The following SNPH variants were observed in gnomAD, a reference collection of about 807,000 sequenced individuals.
SNPH encodes syntaphilin.
In SNPH, 10 loss-of-function variants were observed where a neutral mutation model predicts 36.8. The ratio of observed to expected loss-of-function variants is 0.27; its 90% CI spans 0.17 to 0.46. SNPH has a LOEUF of 0.46. SNPH is among the 20% of genes least tolerant of loss of function. SNPH has a pLI of 1.00. For missense variants in SNPH, 622 were observed against 744.0 expected (o/e 0.84, Z 1.91); for synonymous variants, 281 against 312.2 (o/e 0.90, Z 1.05).
intron 2 of SNPH, among the ~76,000 whole-genome samples, chr20:1,277,865 C>CTG: frequency 8.3e-6 from 1 of 120,292 alleles, no homozygotes; most frequent in South Asian, 3.1e-4. Context: ...GTGTGTGTGC[C>CTG]TGTGTGTCTG....
In SNPH at chr20:1,305,223, G is replaced by T. The variant is rs770443739; in HGVS notation, c.786G>T (p.Leu262=). 1 of 1,611,554 alleles carries T rather than the reference G, an allele frequency of 6.2e-7. No homozygotes were observed. The highest frequency in any genetic ancestry group is 1.3e-5 in the African/African-American group (1 of 75,070). The part of the protein sequence containing the change: ...SLTRSSTYTK[L]SDPAVCGDRQ... ...CCCGCAGCTCCACCTACACCAAGCT[G>T]AGTGACCCGGCTGTCTGTGGTGACC... The change falls in exon 7 of 7, where the codon CTG becomes CTT. Residue 262 remains leucine, a synonymous_variant. Transcript: ENST00000381867.
Position 1,268,322 on chromosome 20 carries a change from G to A in SNPH, c.-493+1562G>A, listed in dbSNP as rs188204938. ...TTCTTGTGTGCTGGCAGCAGGGCAG[G>A]GATCAGGTCTTCCGGATCTCACATG... On this transcript the variant is annotated intron_variant, in intron 2 of 6. Transcript: ENST00000381867. 3.9e-5 allele frequency among the ~76,000 whole-genome samples: 6 copies of A among 152,300 alleles called. No homozygotes were observed. In the East Asian group the frequency reaches 1.2e-3, roughly 29 times the overall value.
chr20:1,298,852 A>ATTT (rs34011198), intron 5 of SNPH, among the ~76,000 whole-genome samples: 1 of 141,550 alleles, frequency 7.1e-6, no homozygotes, highest in Non-Finnish European at 1.5e-5. Context: ...GTGTATACAT[A>ATTT]TTTTTTTTTT....
intron 4 of SNPH, 90 bp downstream of exon 4, chr20:1,296,511 GTGT>G: frequency 5.3e-5 from 61 of 1,160,066 alleles, no homozygotes; most frequent in Non-Finnish European, 7.3e-5. Context: ...CTTGCAGTAT[GTGT>G]TTGAGCAAAT....
chr20:1,306,065 T>TCCGG lies in SNPH; in HGVS notation c.*12_*13insCGGC. ...GGCTCCCAGCTCTGAGGGGGCCCAT[T>TCCGG]CTGGCAGCGGCGCCTGCGGCCTGAC... On this transcript the variant is annotated 3_prime_UTR_variant, in exon 7 of 7. Transcript: ENST00000381867. 1 of 1,438,106 alleles carries TCCGG rather than the reference T, an allele frequency of 7.0e-7. No individual in the cohort carries two copies. Among genetic ancestry groups the TCCGG allele is most frequent in the Non-Finnish European group, 9.1e-7 (1 of 1,098,368 alleles). The allele number at this position is 1,438,106 out of a possible 1,614,324, so 89.1% of individuals were successfully genotyped here. A position where few individuals can be genotyped will look rare whatever the true frequency, so the allele number is the denominator to read the frequency against.
intron 2 of SNPH, among the ~76,000 whole-genome samples, chr20:1,281,127 C>T (rs747613947): frequency 7.9e-5 from 12 of 152,128 alleles, no homozygotes; most frequent in African/African-American, 1.7e-4. Context: ...GAGGCCTGGG[C>T]GTCATCACAA....
At chr20:1,298,803 T>TC in intron 5 of SNPH, among the ~76,000 whole-genome samples, 1 of 99,648 alleles carries the variant, frequency 1.0e-5, no homozygotes, top group Non-Finnish European at 2.0e-5. Context: ...TTTTTTCTAA[T>TC]TTGTGTGTGT....
In SNPH at chr20:1,277,957, C is replaced by T. The variant is rs2088165911; in HGVS notation, c.-493+11197C>T. On this transcript the variant is annotated intron_variant, in intron 2 of 6. Transcript: ENST00000381867. Reference sequence around the variant, plus strand: ...CGTGTGTGCCTGTGTGTGTCTGTGCCTGTATGTCTGTGTGTATCTGTGTGT... The same window carrying T: ...CGTGTGTGCCTGTGTGTGTCTGTGCTTGTATGTCTGTGTGTATCTGTGTGT... Among the ~76,000 whole-genome samples, 3 of 135,996 alleles carry T rather than the reference C, an allele frequency of 2.2e-5. No homozygotes were observed. The Admixed American group carries it at 2.3e-4, about 10-fold the overall frequency. 89.2% of individuals were successfully genotyped at this position (135,996 alleles called of 152,430 possible). A position where few individuals can be genotyped will look rare whatever the true frequency, so the allele number is the denominator to read the frequency against.
At chr20:1,270,987 T>G (rs2122230573) in intron 2 of SNPH, among the ~76,000 whole-genome samples, 1 of 152,294 alleles carries the variant, frequency 6.6e-6, no homozygotes, top group Admixed American at 6.5e-5. Flanking sequence ...GCAGGTGATG[T>G]GAAGCTCAAG....
At position 1,297,251 on chromosome 20, in the gene SNPH, A is replaced by G; in HGVS notation, c.289A>G (p.Arg97Gly). The G allele has an allele frequency of 6.2e-7, 1 of 1,613,278 alleles. No homozygotes were observed. Among genetic ancestry groups the G allele is most frequent in the Non-Finnish European group, 8.5e-7 (1 of 1,179,736 alleles). ...GGGCAGTGACAGCAGTCCCACGCCA[A>G]GGTAATTGGCCCCTCCTCTCTGGGC... ...YKGSDSSPTP[R>G]RSMKYTLCSD... Residue 97 changes from arginine to glycine, a missense_variant and splice_region_variant, in exon 5 of 7, where the codon AGG becomes GGG. Arg to Gly is a moderately radical substitution (Grantham distance 125, BLOSUM62 -2). Transcript: ENST00000381867.
At chr20:1,299,257 A>G (rs1471536476) in intron 5 of SNPH, among the ~76,000 whole-genome samples, 1 of 152,158 alleles carries the variant, frequency 6.6e-6, no homozygotes, top group Non-Finnish European at 1.5e-5. Context: ...GCTTCAGCAA[A>G]TGGGCCTCAC....
intron 2 of SNPH, among the ~76,000 whole-genome samples, chr20:1,282,486 A>G (rs2088237317): frequency 6.6e-6 from 1 of 152,252 alleles, no homozygotes; most frequent in South Asian, 2.1e-4. Flanking sequence ...GTGTAAACAT[A>G]ACAACCCCTT....
At chr20:1,297,038 C>A in intron 4 of SNPH, 107 bp from the exon 5 acceptor site, 1 of 1,477,366 alleles carries the variant, frequency 6.8e-7, no homozygotes, top group Non-Finnish European at 9.0e-7. Context: ...CCTGTGGTGA[C>A]CCCAAAGCGG....
intron 2 of SNPH, among the ~76,000 whole-genome samples, chr20:1,282,454 T>G (rs2088236945): frequency 6.6e-6 from 1 of 152,238 alleles, no homozygotes; most frequent in Non-Finnish European, 1.5e-5. Flanking sequence ...ATACAAGTTA[T>G]ATTTTTGCCA....
rs2088543014 is a variant in SNPH, at chr20:1,304,591, G to C, written c.441-287G>C. On this transcript the variant is annotated intron_variant, in intron 6 of 6. Coordinates refer to ENST00000381867, the MANE Select transcript of SNPH (RefSeq NM_001318234.2). The surrounding 1 kb of genome is among the most constrained non-coding windows in gnomAD (Gnocchi z 4.3). ...GAATGTTGAGAGTTGTCGGCATTCTGGGGGTGGTGGGGTGGGGGAGGGAAT... is the reference window on the plus strand; with the variant it reads ...GAATGTTGAGAGTTGTCGGCATTCTCGGGGTGGTGGGGTGGGGGAGGGAAT... Among the ~76,000 whole-genome samples, 1 of 151,976 alleles carries C rather than the reference G, an allele frequency of 6.6e-6. No individual in the cohort carries two copies. Among genetic ancestry groups the C allele is most frequent in the South Asian group, 2.1e-4 (1 of 4,818 alleles).
intron 2 of SNPH, among the ~76,000 whole-genome samples, chr20:1,287,201 T>A (rs1221441419): frequency 1.3e-5 from 2 of 152,208 alleles, no homozygotes; most frequent in Non-Finnish European, 2.9e-5. Flanking sequence ...GCCAGGAAGC[T>A]TGGAATTGAA....
intron 2 of SNPH, among the ~76,000 whole-genome samples, chr20:1,279,127 C>CT (rs1348127337): frequency 6.6e-6 from 1 of 152,164 alleles, no homozygotes; most frequent in Non-Finnish European, 1.5e-5. Context: ...ATATATGTAA[C>CT]TTTTTACTGC....
intron 2 of SNPH, among the ~76,000 whole-genome samples, chr20:1,281,333 A>G (rs191032591): frequency 3.9e-5 from 6 of 152,298 alleles, no homozygotes; most frequent in African/African-American, 1.4e-4. Context: ...TTCCCAGTCC[A>G]TACTTGGCAG....
At position 1,266,633 on chromosome 20, in the gene SNPH, C is replaced by G; in HGVS notation, c.-599-21C>G. On this transcript the variant is annotated intron_variant, in intron 1 of 6. Transcript: ENST00000381867. This position sits in a 1 kb window ranked among gnomAD's most constrained non-coding sequence, Gnocchi z 6.0. ...CCCGCGCTCACCCGCCCCGGTCTAT[C>G]TCTTTTTCCTAACCCCGCAGGTCGC... The G allele has an allele frequency of 6.7e-7, 1 of 1,485,150 alleles. No homozygotes were observed. Among genetic ancestry groups the G allele is most frequent in the Non-Finnish European group, 8.9e-7 (1 of 1,120,358 alleles). The allele number at this position is 1,485,150 out of a possible 1,614,324, so 92.0% of individuals were successfully genotyped here. A position where few individuals can be genotyped will look rare whatever the true frequency, so the allele number is the denominator to read the frequency against.
Sources: allele counts gnomAD v4.1 joint callset (sites outside exome capture counted in the v4.1 genomes callset), GRCh38; gene constraint gnomAD v4.1.1; non-coding constraint Gnocchi (gnomAD v3.1); transcripts MANE v1.5; gene names NCBI Gene and HGNC (gene_info 2026-07-23, HGNC 2026-07-21).